The following CMIP variants were observed in gnomAD, a reference collection of about 807,000 sequenced individuals.
CMIP encodes C-Maf-inducing protein.
In CMIP, 13 loss-of-function variants were observed where a neutral mutation model predicts 97.3. The ratio of observed to expected loss-of-function variants is 0.13; its 90% CI spans 0.09 to 0.21. CMIP has a LOEUF of 0.21. Ranked by LOEUF, CMIP falls within the 10% of genes least tolerant of loss-of-function variation. The probability of loss-of-function intolerance (pLI) is 1.00; values close to 1 mark genes in which losing one functional copy is unlikely to be tolerated. For missense variants in CMIP, 847 were observed against 1,024.9 expected (o/e 0.83, Z 2.37); for synonymous variants, 538 against 436.3 (o/e 1.23, Z -2.91).
chr16:81,628,545 ATCAC>A (rs1331971122), intron 3 of CMIP, among the ~76,000 whole-genome samples: 1 of 152,168 alleles, frequency 6.6e-6, no homozygotes, highest in Non-Finnish European at 1.5e-5. Flanking sequence ...CTGAGGTTAA[ATCAC>A]TCACTCAAGG....
intron 1 of CMIP, among the ~76,000 whole-genome samples, chr16:81,493,238 C>A (rs1474335359): frequency 2.6e-5 from 4 of 152,196 alleles, no homozygotes; most frequent in Non-Finnish European, 2.9e-5. Flanking sequence ...GGCCCTCCCC[C>A]AGCATCAGAG....
chr16:81,671,568 G>A (rs2092683239), intron 8 of CMIP, among the ~76,000 whole-genome samples: 1 of 152,228 alleles, frequency 6.6e-6, no homozygotes. Flanking sequence ...GACTGTCCCA[G>A]GACGTATGGC....
At chr16:81,525,986 GTGTGTGTGTGTGTGTGTGTGTC>G (rs958161009) in intron 1 of CMIP, among the ~76,000 whole-genome samples, 4 of 32,818 alleles carry the variant, frequency 1.2e-4, no homozygotes, top group African/African-American at 6.1e-4. Context: ...ACGTGTGTGT[GTGTGTGTGTGTGTGTGTGTGTC>G]TGTGTGTGTG....
At chr16:81,485,866 G>T (rs1352334136) in intron 1 of CMIP, among the ~76,000 whole-genome samples, 1 of 152,182 alleles carries the variant, frequency 6.6e-6, no homozygotes, top group Non-Finnish European at 1.5e-5. Flanking sequence ...GTGGCACCAC[G>T]TGGCCTGCTT....
intron 16 of CMIP, 97 bp downstream of exon 16, chr16:81,701,897 C>T: frequency 6.9e-7 from 1 of 1,456,148 alleles, no homozygotes; most frequent in Non-Finnish European, 9.5e-7. Flanking sequence ...CTGAGTGGAC[C>T]TCAATCTCGT....
chr16:81,637,689 G>A (rs2092254038), intron 3 of CMIP, among the ~76,000 whole-genome samples: 1 of 152,206 alleles, frequency 6.6e-6, no homozygotes. Flanking sequence ...TCCCAGGAGT[G>A]TGCAGGCTGG....
At chr16:81,531,321 A>T (rs2150822891) in intron 1 of CMIP, among the ~76,000 whole-genome samples, 1 of 152,332 alleles carries the variant, frequency 6.6e-6, no homozygotes, top group East Asian at 1.9e-4. Context: ...GGTGTGGAGC[A>T]GATCCTGCCT....
intron 5 of CMIP, among the ~76,000 whole-genome samples, chr16:81,660,528 G>A (rs2092533644): frequency 6.6e-6 from 1 of 152,120 alleles, no homozygotes; most frequent in Admixed American, 6.5e-5. Flanking sequence ...ACCTGCCTTG[G>A]CCTCCCAAAG....
At chr16:81,599,066 G>T (rs1425734163) in intron 1 of CMIP, among the ~76,000 whole-genome samples, 2 of 151,888 alleles carry the variant, frequency 1.3e-5, no homozygotes, top group Non-Finnish European at 2.9e-5. Context: ...TGGTCAGTCG[G>T]CGTCTGGAGA....
At chr16:81,464,644 A>G (rs949617695) in intron 1 of CMIP, 1 of 152,244 alleles carries the variant, frequency 6.6e-6, no homozygotes, top group African/African-American at 2.4e-5. Context: ...AGTGGCATTA[A>G]ATACATTCAC....
intron 1 of CMIP, among the ~76,000 whole-genome samples, chr16:81,570,154 C>T (rs2091059704): frequency 2.0e-5 from 3 of 152,142 alleles, no homozygotes; most frequent in African/African-American, 2.4e-5. Context: ...GTGATTTGAG[C>T]CAAGGACAGC....
intron 1 of CMIP, among the ~76,000 whole-genome samples, chr16:81,450,033 C>T (rs934872704): frequency 3.3e-5 from 5 of 152,186 alleles, no homozygotes; most frequent in African/African-American, 4.8e-5. Context: ...CTGCTTGGCC[C>T]ACAGATTGAC....
intron 1 of CMIP, among the ~76,000 whole-genome samples, chr16:81,536,818 C>T (rs895741412): frequency 1.3e-5 from 2 of 152,086 alleles, no homozygotes; most frequent in African/African-American, 2.4e-5. Context: ...CGGAAGCATG[C>T]ACACGTACAG....
At chr16:81,659,678 C>T (rs2092523757) in intron 5 of CMIP, among the ~76,000 whole-genome samples, 1 of 152,308 alleles carries the variant, frequency 6.6e-6, no homozygotes, top group East Asian at 1.9e-4. Context: ...AGGACAAGGG[C>T]TTGCATTCAG....
chr16:81,633,147 G>A lies in CMIP; in HGVS notation c.477+12221G>A, dbSNP rs533425462. Among the ~76,000 whole-genome samples, 106 of 152,254 alleles carry A rather than the reference G, an allele frequency of 7.0e-4. 2 individuals are homozygous for A. Among genetic ancestry groups the A allele is most frequent in the African/African-American group, 2.5e-3 (104 of 41,544 alleles). On this transcript the variant is annotated intron_variant, in intron 3 of 20. Transcript: ENST00000537098. ...GCAGAATTTTGTTTTTCTTTTTCTCGCCCTTTAAAGACAAGTTTTTAAAAC... is the reference window on the plus strand; with the variant it reads ...GCAGAATTTTGTTTTTCTTTTTCTCACCCTTTAAAGACAAGTTTTTAAAAC...
chr16:81,628,894 C>T (rs958802971), intron 3 of CMIP, among the ~76,000 whole-genome samples: 4 of 151,840 alleles, frequency 2.6e-5, no homozygotes, highest in Admixed American at 1.3e-4. Flanking sequence ...CCAGCACTTT[C>T]GGAGGCCGAG....
At chr16:81,656,700 C>G (rs1241204094) in intron 4 of CMIP, among the ~76,000 whole-genome samples, 1 of 152,206 alleles carries the variant, frequency 6.6e-6, no homozygotes, top group Admixed American at 6.5e-5. Flanking sequence ...TGTGGTGGCA[C>G]AATCTCAGCT....
chr16:81,522,687 A>G (rs1053966970), intron 1 of CMIP, among the ~76,000 whole-genome samples: 2 of 152,162 alleles, frequency 1.3e-5, no homozygotes, highest in Non-Finnish European at 2.9e-5. Flanking sequence ...ATAAAATCGC[A>G]TTTCTACCGC....
chr16:81,507,617 G>A (rs895389581), intron 1 of CMIP, among the ~76,000 whole-genome samples: 1 of 152,198 alleles, frequency 6.6e-6, no homozygotes, highest in Non-Finnish European at 1.5e-5. Flanking sequence ...AGACAATTTG[G>A]TGAAGGGAGA....
Sources: gnomAD v4.1 joint callset for allele counts (sites outside exome capture counted in the v4.1 genomes callset) on GRCh38, gnomAD v4.1.1 for gene constraint, MANE v1.5 for transcripts, NCBI Gene and HGNC (gene_info 2026-07-23, HGNC 2026-07-21) for gene names.